IGF1R: variants seen among roughly 807,000 people sequenced by gnomAD.
IGF1R encodes the protein insulin like growth factor 1 receptor.
In IGF1R, 44 loss-of-function variants were observed where a neutral mutation model predicts 144.6. That is an observed-to-expected ratio of 0.30 (90% confidence interval 0.24 to 0.39). The LOEUF (loss-of-function observed/expected upper bound fraction) is 0.39. IGF1R is among the 10% of genes least tolerant of loss of function. The pLI, the probability that IGF1R is intolerant of heterozygous loss-of-function variation, is 1.00. For synonymous variants in IGF1R, 795 were observed against 722.8 expected (o/e 1.10, Z -1.60); for missense variants, 1,355 against 1,833.7 (o/e 0.74, Z 4.77).
At chr15:98,698,423 A>G (rs1163968534) in intron 1 of IGF1R, among the ~76,000 whole-genome samples, 1 of 152,234 alleles carries the variant, frequency 6.6e-6, no homozygotes, top group Admixed American at 6.5e-5. Flanking sequence ...TTCATCTTGA[A>G]AAACGGAAAC....
At chr15:98,916,930 C>A in intron 10 of IGF1R, 54 bp downstream of exon 10, 1 of 1,492,444 alleles carries the variant, frequency 6.7e-7, no homozygotes. Context: ...CAGGCCGGTT[C>A]TGTTGCCTTT....
chr15:98,864,018 G>A (rs2012297285), intron 2 of IGF1R, among the ~76,000 whole-genome samples: 1 of 152,178 alleles, frequency 6.6e-6, no homozygotes, highest in Non-Finnish European at 1.5e-5. Flanking sequence ...AGCACTTTGG[G>A]AGGCCATAGG....
intron 2 of IGF1R, among the ~76,000 whole-genome samples, chr15:98,743,054 C>T (rs1173592301): frequency 1.3e-5 from 2 of 152,062 alleles, no homozygotes; most frequent in South Asian, 2.1e-4. Flanking sequence ...TTGTGGTAAT[C>T]ATGATATCAT....
At chr15:98,729,599 A>T (rs1368906669) in intron 2 of IGF1R, among the ~76,000 whole-genome samples, 1 of 146,822 alleles carries the variant, frequency 6.8e-6, no homozygotes, top group South Asian at 2.2e-4. Context: ...TCCACATCTC[A>T]TTGTCCTTCA....
chr15:98,781,152 G>A (rs570064618), intron 2 of IGF1R, among the ~76,000 whole-genome samples: 9 of 152,208 alleles, frequency 5.9e-5, no homozygotes, highest in African/African-American at 1.7e-4. Flanking sequence ...TAAATGAAGC[G>A]AAATGCCATT....
At chr15:98,894,572 C>G (rs1567182558) in intron 3 of IGF1R, among the ~76,000 whole-genome samples, 1 of 152,192 alleles carries the variant, frequency 6.6e-6, no homozygotes, top group Non-Finnish European at 1.5e-5. Context: ...CTCAAAAGAT[C>G]ACATACTGTA....
chr15:98,936,088 G>C (rs1350080837), intron 17 of IGF1R, among the ~76,000 whole-genome samples: 1 of 152,176 alleles, frequency 6.6e-6, no homozygotes, highest in Non-Finnish European at 1.5e-5. Flanking sequence ...CCCACACACA[G>C]TCCCCTTCCC....
chr15:98,717,824 A>G (rs909130147), intron 2 of IGF1R, among the ~76,000 whole-genome samples: 14 of 152,296 alleles, frequency 9.2e-5, no homozygotes, highest in African/African-American at 3.4e-4. Flanking sequence ...GGGCACAGTT[A>G]TTGGTAAAGA....
At chr15:98,731,367 T>A (rs573492386) in intron 2 of IGF1R, among the ~76,000 whole-genome samples, 1 of 152,216 alleles carries the variant, frequency 6.6e-6, no homozygotes, top group Non-Finnish European at 1.5e-5. Context: ...CATCTATCCA[T>A]GTAATTATTA....
chr15:98,691,597 C>T (rs1203145149), intron 1 of IGF1R, among the ~76,000 whole-genome samples: 8 of 152,162 alleles, frequency 5.3e-5, no homozygotes, highest in East Asian at 1.9e-4. Context: ...CTCCTGACCT[C>T]GGGTGATTGC....
chr15:98,825,867 A>T (rs1454493074), intron 2 of IGF1R, among the ~76,000 whole-genome samples: 1 of 152,190 alleles, frequency 6.6e-6, no homozygotes, highest in Non-Finnish European at 1.5e-5. Context: ...GGTTGAATCC[A>T]TGGGTGTGGA....
chr15:98,909,260 TC>T (rs1196432239), intron 6 of IGF1R, among the ~76,000 whole-genome samples: 11 of 115,032 alleles, frequency 9.6e-5, no homozygotes, highest in Admixed American at 8.0e-4. Flanking sequence ...TCTTTTTTTT[TC>T]TTTTTTTTTT....
intron 2 of IGF1R, among the ~76,000 whole-genome samples, chr15:98,826,834 C>G (rs1362841496): frequency 6.6e-6 from 1 of 152,166 alleles, no homozygotes; most frequent in Non-Finnish European, 1.5e-5. Context: ...ACAAGTATAT[C>G]TTAAAAGTGC....
chr15:98,842,127 A>T (rs1165483227), intron 2 of IGF1R, among the ~76,000 whole-genome samples: 1 of 152,176 alleles, frequency 6.6e-6, no homozygotes, highest in Non-Finnish European at 1.5e-5. Flanking sequence ...TCCAGAACAG[A>T]CCCCTTCACC....
At chr15:98,676,937 AT>A (rs1017446933) in intron 1 of IGF1R, among the ~76,000 whole-genome samples, 3 of 150,952 alleles carry the variant, frequency 2.0e-5, no homozygotes, top group African/African-American at 4.9e-5. Flanking sequence ...ATTAAAAAAA[AT>A]TTTTTTTTCA....
chr15:98,705,521 A>G (rs191591166), intron 1 of IGF1R, among the ~76,000 whole-genome samples: 71 of 152,260 alleles, frequency 4.7e-4, no homozygotes, highest in South Asian at 4.1e-3. Flanking sequence ...GGTTTCTGCT[A>G]TTCTTTTCTC....
Position 98,891,390 on chromosome 15 carries a change from C to T in IGF1R, c.706C>T (p.Leu236=), listed in dbSNP as rs780997442. 2 of 1,612,806 alleles carry T rather than the reference C, an allele frequency of 1.2e-6. No homozygotes were observed. The highest frequency in any genetic ancestry group is 1.7e-6 in the Non-Finnish European group (2 of 1,180,006). The part of the protein sequence containing the change: ...ENNECCHPEC[L]GSCSAPDNDT... Reference sequence around the variant, plus strand: ...CAATGAGTGCTGCCACCCCGAGTGCCTGGGCAGCTGCAGCGCGCCTGACAA... The same window carrying T: ...CAATGAGTGCTGCCACCCCGAGTGCTTGGGCAGCTGCAGCGCGCCTGACAA... The change falls in exon 3 of 21, where the codon CTG becomes TTG. Residue 236 remains leucine (L), a synonymous_variant. Coordinates refer to ENST00000650285, the MANE Select transcript of IGF1R (RefSeq NM_000875.5). This position sits in a 1 kb window ranked among gnomAD's most constrained non-coding sequence, Gnocchi z 4.7.
intron 2 of IGF1R, among the ~76,000 whole-genome samples, chr15:98,805,702 G>A (rs1380020321): frequency 2.6e-5 from 4 of 152,160 alleles, no homozygotes; most frequent in Non-Finnish European, 5.9e-5. Flanking sequence ...GTCCTTAAAA[G>A]AAACTAAAAT....
chr15:98,888,232 C>T (rs1596399062), intron 2 of IGF1R, among the ~76,000 whole-genome samples: 1 of 152,202 alleles, frequency 6.6e-6, no homozygotes, highest in Non-Finnish European at 1.5e-5. Flanking sequence ...GTCTGGCACA[C>T]AGGTGCAGCA....
Sources: allele counts gnomAD v4.1 joint callset (sites outside exome capture counted in the v4.1 genomes callset), GRCh38; gene constraint gnomAD v4.1.1; non-coding constraint Gnocchi (gnomAD v3.1); transcripts MANE v1.5; gene names NCBI Gene and HGNC (gene_info 2026-07-23, HGNC 2026-07-21).